PTPRE: variants seen among roughly 807,000 people sequenced by gnomAD.
PTPRE encodes protein tyrosine phosphatase receptor type E, also known as receptor-type tyrosine-protein phosphatase epsilon.
In PTPRE, 51 loss-of-function variants were observed where a neutral mutation model predicts 102.0. The ratio of observed to expected loss-of-function variants is 0.50; its 90% confidence interval spans 0.40 to 0.63. The LOEUF (loss-of-function observed/expected upper bound fraction) is 0.63. Ranked by LOEUF, PTPRE falls within the 30% of genes least tolerant of loss-of-function variation. The pLI, the probability that PTPRE is intolerant of heterozygous loss-of-function variation, is 0.00. For missense variants in PTPRE, 752 were observed against 915.1 expected (o/e 0.82, Z 2.30); for synonymous variants, 345 against 348.2 (o/e 0.99, Z 0.10).
At chr10:127,991,315 C>G (rs1852632788) in intron 2 of PTPRE, among the ~76,000 whole-genome samples, 1 of 152,224 alleles carries the variant, frequency 6.6e-6, no homozygotes, top group Admixed American at 6.5e-5. Flanking sequence ...GGCGGACTGA[C>G]TTAATTTTTA....
At chr10:128,053,737 T>G (rs780206801) in intron 6 of PTPRE, among the ~76,000 whole-genome samples, 3 of 152,088 alleles carry the variant, frequency 2.0e-5, no homozygotes, top group African/African-American at 2.4e-5. Flanking sequence ...CAGGGAGCCT[T>G]CTCAATTTCT....
chr10:127,944,493 T>A lies in PTPRE; in HGVS notation c.-31+37184T>A, dbSNP rs1848482877. ...ACGGATGGATGGATGGATGGATGGA[T>A]GGATGGATGGATGGATGGATGGGTG... is the stretch of plus-strand genomic sequence containing the variant. On this transcript the variant is annotated intron_variant, in intron 1 of 20. Transcript: ENST00000254667. This position sits in a 1 kb window ranked among gnomAD's most constrained non-coding sequence, Gnocchi z 4.2. Among the ~76,000 whole-genome samples, 4 of 84,938 alleles carry A rather than the reference T, an allele frequency of 4.7e-5. No individual in the cohort carries two copies. The highest frequency in any genetic ancestry group is 1.0e-4 in the Non-Finnish European group (4 of 39,688). 55.7% of individuals were successfully genotyped at this position (84,938 alleles called of 152,430 possible).
chr10:128,085,578 T>C lies in PTPRE; in HGVS notation c.*2672T>C, dbSNP rs1852029459. On this transcript the variant is annotated 3_prime_UTR_variant, in exon 21 of 21. Transcript: ENST00000254667. The stretch of plus-strand genomic sequence containing the variant: ...TTTTTAAATGAGCCTGACACCTGTG[T>C]TTCAGCATTTGGAGACATCCCCATG... The C allele has an allele frequency of 1.3e-5, 2 of 152,874 alleles. No homozygotes were observed. The highest frequency in any genetic ancestry group is 4.8e-5 in the African/African-American group (2 of 41,468). The allele number at this position is 152,874 out of a possible 1,614,324, so 9.5% of individuals were successfully genotyped here.
At chr10:127,984,924 A>C (rs1851955594) in intron 2 of PTPRE, among the ~76,000 whole-genome samples, 2 of 152,228 alleles carry the variant, frequency 1.3e-5, no homozygotes, top group Admixed American at 6.5e-5. Flanking sequence ...GCCAAGGTAG[A>C]ATACCAGACT....
chr10:127,916,338 CCTTCA>C (rs1318301599), intron 1 of PTPRE, among the ~76,000 whole-genome samples: 1 of 152,148 alleles, frequency 6.6e-6, no homozygotes, highest in Non-Finnish European at 1.5e-5. Flanking sequence ...GGCTCTTCCC[CCTTCA>C]CTTCACTGTG....
chr10:128,057,724 G>A (rs1257387314), intron 7 of PTPRE, among the ~76,000 whole-genome samples: 1 of 152,204 alleles, frequency 6.6e-6, no homozygotes, highest in Non-Finnish European at 1.5e-5. Flanking sequence ...GCAACACCAG[G>A]AAGATGGGTC....
At chr10:127,955,313 CATACATACATAT>C (rs1408935901) in intron 1 of PTPRE, among the ~76,000 whole-genome samples, 10 of 151,666 alleles carry the variant, frequency 6.6e-5, no homozygotes, top group African/African-American at 2.2e-4. Context: ...TACATACATA[CATACATACATAT>C]ATACATACAC....
chr10:128,056,528 C>T (rs1173125972), intron 7 of PTPRE, among the ~76,000 whole-genome samples: 1 of 152,176 alleles, frequency 6.6e-6, no homozygotes, highest in Non-Finnish European at 1.5e-5. Flanking sequence ...AGGGCCCCTC[C>T]TGTGGAACTC....
intron 6 of PTPRE, among the ~76,000 whole-genome samples, chr10:128,050,350 T>TGGATGGAC (rs796943754): frequency 3.6e-5 from 4 of 110,596 alleles, no homozygotes; most frequent in East Asian, 2.6e-4. Flanking sequence ...GATGGATGGA[T>TGGATGGAC]GGATGGATGG....
At chr10:128,035,398 T>C (rs894223737) in intron 2 of PTPRE, among the ~76,000 whole-genome samples, 3 of 152,198 alleles carry the variant, frequency 2.0e-5, no homozygotes, top group Admixed American at 2.0e-4. Context: ...AATCAAATCA[T>C]TGGTCAATAA....
At chr10:127,915,158 A>G (rs1368258332) in intron 1 of PTPRE, among the ~76,000 whole-genome samples, 4 of 152,270 alleles carry the variant, frequency 2.6e-5, no homozygotes, top group Non-Finnish European at 5.9e-5. Context: ...CATCTTAAAT[A>G]TGTAAAAATA....
intron 1 of PTPRE, among the ~76,000 whole-genome samples, chr10:127,917,846 A>G (rs1046382371): frequency 1.1e-4 from 16 of 152,078 alleles, no homozygotes; most frequent in African/African-American, 3.4e-4. Flanking sequence ...CCGGGCCAAC[A>G]TAGTGAAACC....
intron 1 of PTPRE, among the ~76,000 whole-genome samples, chr10:127,958,703 G>A (rs1227969189): frequency 6.6e-6 from 1 of 151,856 alleles, no homozygotes; most frequent in Non-Finnish European, 1.5e-5. Context: ...GGGTAATATG[G>A]GCATCATACA....
At chr10:127,932,588 CAG>C (rs1015577417) in intron 1 of PTPRE, among the ~76,000 whole-genome samples, 27 of 152,340 alleles carry the variant, frequency 1.8e-4, no homozygotes, top group African/African-American at 6.5e-4. Flanking sequence ...CCTGCAGCAA[CAG>C]AGACAGGAGG....
intron 2 of PTPRE, among the ~76,000 whole-genome samples, chr10:128,033,556 T>A (rs1185737564): frequency 1.3e-5 from 2 of 152,254 alleles, no homozygotes; most frequent in African/African-American, 4.8e-5. Flanking sequence ...GGGGGAATTA[T>A]GAATATGATT....
intron 2 of PTPRE, among the ~76,000 whole-genome samples, chr10:128,022,367 A>G (rs1845964287): frequency 6.6e-6 from 1 of 152,198 alleles, no homozygotes; most frequent in Admixed American, 6.5e-5. Flanking sequence ...GCTTCTCACA[A>G]CCTTCCTGTC....
rs143511195 is a variant in PTPRE, at chr10:128,070,900, G to C, written c.1386G>C (p.Pro462=). The C allele has an allele frequency of 1.4e-4, 230 of 1,613,144 alleles. No homozygotes were observed. The highest frequency in any genetic ancestry group is 1.9e-4 in the Non-Finnish European group (219 of 1,179,238). Residue 462 remains proline, a splice_region_variant and synonymous_variant, in exon 15 of 21, where the codon CCG becomes CCC. Transcript: ENST00000254667. This position sits in a 1 kb window ranked among gnomAD's most constrained non-coding sequence, Gnocchi z 4.8. ...MKKARVIQII[P]YDFNRVILSM... ...AGGCCAGGGTCATCCAGATCATCCCGTGTAAGGCACCCGTGGCGTGGCTTG... is the reference window on the plus strand; with the variant it reads ...AGGCCAGGGTCATCCAGATCATCCCCTGTAAGGCACCCGTGGCGTGGCTTG...
intron 2 of PTPRE, among the ~76,000 whole-genome samples, chr10:127,987,914 G>A: frequency 6.6e-6 from 1 of 152,226 alleles, no homozygotes; most frequent in East Asian, 1.9e-4. Flanking sequence ...AGGTCTTCAA[G>A]GAGCTTGTCT....
At chr10:127,969,540 C>T (rs991474342) in intron 1 of PTPRE, among the ~76,000 whole-genome samples, 38 of 151,998 alleles carry the variant, frequency 2.5e-4, no homozygotes, top group Non-Finnish European at 5.0e-4. Context: ...TGGTGGTGCA[C>T]ACCTGTAATC....
Sources: gnomAD v4.1 joint callset for allele counts (sites outside exome capture counted in the v4.1 genomes callset) on GRCh38, gnomAD v4.1.1 for gene constraint, Gnocchi (gnomAD v3.1) non-coding constraint, MANE v1.5 for transcripts, NCBI Gene and HGNC (gene_info 2026-07-23, HGNC 2026-07-21) for gene names.